The following SMCO2 variants were observed in gnomAD, a reference collection of about 807,000 sequenced individuals.
SMCO2 encodes the protein single-pass membrane and coiled-coil domain-containing protein 2.
Under a neutral mutation model 29.5 loss-of-function variants are expected in SMCO2, and 25 were observed. The ratio of observed to expected loss-of-function variants is 0.85; its 90% CI spans 0.62 to 1.18. The LOEUF (loss-of-function observed/expected upper bound fraction) is 1.18. SMCO2 is among the 50% of genes most tolerant of loss of function. The pLI is 0.00. For missense variants in SMCO2, 348 were observed against 344.5 expected (o/e 1.01, Z -0.08); for synonymous variants, 117 against 123.3 (o/e 0.95, Z 0.34).
chr12:27,481,716 G>T (rs1281004962), intron 4 of SMCO2, among the ~76,000 whole-genome samples: 1 of 152,116 alleles, frequency 6.6e-6, no homozygotes, highest in East Asian at 1.9e-4. Context: ...TATTGCTAAA[G>T]ATATTAAGTT....
chr12:27,460,477 G>A, the SMCO2 span, among the ~76,000 whole-genome samples: 2 of 152,110 alleles, frequency 1.3e-5, no homozygotes, highest in Non-Finnish European at 2.9e-5. Context: ...ATGTCATAAA[G>A]AAAATCATAA....
the SMCO2 span, among the ~76,000 whole-genome samples, chr12:27,433,503 G>GTA: frequency 1.1e-5 from 1 of 94,662 alleles, no homozygotes; most frequent in East Asian, 2.3e-4. Flanking sequence ...ATGCAGATGT[G>GTA]TATACACACA....
At chr12:27,498,977 G>A (rs746943656) in intron 7 of SMCO2, among the ~76,000 whole-genome samples, 8 of 150,612 alleles carry the variant, frequency 5.3e-5, no homozygotes, top group South Asian at 2.1e-4. Context: ...TGGAACCCTC[G>A]TATATCACTG....
chr12:27,471,346 T>A (rs577299845), intron 2 of SMCO2, among the ~76,000 whole-genome samples: 1 of 152,326 alleles, frequency 6.6e-6, no homozygotes, highest in Non-Finnish European at 1.5e-5. Context: ...TTTTTTCATA[T>A]AAGCAATATT....
chr12:27,440,412 G>C, the SMCO2 span, among the ~76,000 whole-genome samples: 2 of 152,180 alleles, frequency 1.3e-5, no homozygotes, highest in East Asian at 1.9e-4. Flanking sequence ...ACTATTCAAG[G>C]TATAACCTCC....
At chr12:27,428,230 G>A in the SMCO2 span, among the ~76,000 whole-genome samples, 2 of 152,132 alleles carry the variant, frequency 1.3e-5, no homozygotes, top group Non-Finnish European at 2.9e-5. Context: ...GGCAAGGAGT[G>A]GTTTTGTTTC....
intron 4 of SMCO2, 122 bp downstream of exon 4, chr12:27,475,035 A>G: frequency 8.1e-7 from 1 of 1,234,072 alleles, no homozygotes; most frequent in South Asian, 1.5e-5. Flanking sequence ...TGAACCATAA[A>G]GCAGTCCTGT....
At chr12:27,445,553 T>A in the SMCO2 span, among the ~76,000 whole-genome samples, 1 of 152,210 alleles carries the variant, frequency 6.6e-6, no homozygotes, top group Non-Finnish European at 1.5e-5. Flanking sequence ...AGCCACAATT[T>A]CAAAACTGAA....
chr12:27,432,298 G>A, the SMCO2 span, among the ~76,000 whole-genome samples: 1 of 151,948 alleles, frequency 6.6e-6, no homozygotes, highest in African/African-American at 2.4e-5. Context: ...TGCTTTTGTT[G>A]CTTGTGCTTT....
chr12:27,475,755 G>T (rs896047977), intron 4 of SMCO2, 24 bp downstream of exon 5: 2 of 1,451,048 alleles, frequency 1.4e-6, no homozygotes, highest in South Asian at 1.5e-5. Context: ...GTTGGGGTTG[G>T]TCATAAAATA....
chr12:27,454,332 G>A, the SMCO2 span, among the ~76,000 whole-genome samples: 287 of 152,242 alleles, frequency 1.9e-3, no homozygotes, highest in African/African-American at 6.6e-3. Flanking sequence ...ATTACATAAT[G>A]AGTATTGTTT....
At chr12:27,453,891 A>G in the SMCO2 span, among the ~76,000 whole-genome samples, 1 of 152,244 alleles carries the variant, frequency 6.6e-6, no homozygotes, top group Non-Finnish European at 1.5e-5. Flanking sequence ...GCAGGTAAGC[A>G]ACAAGAGCAA....
At chr12:27,476,654 G>A (rs1949588994) in intron 4 of SMCO2, among the ~76,000 whole-genome samples, 1 of 151,582 alleles carries the variant, frequency 6.6e-6, no homozygotes, top group African/African-American at 2.4e-5. Context: ...CTTAAAGTCT[G>A]TTCTAAGTAT....
At chr12:27,453,171 T>C in the SMCO2 span, among the ~76,000 whole-genome samples, 3 of 152,202 alleles carry the variant, frequency 2.0e-5, no homozygotes, top group Non-Finnish European at 4.4e-5. Flanking sequence ...TCCCTGGCCA[T>C]GATAGTACCT....
chr12:27,491,528 T>G (rs556954821), intron 5 of SMCO2, among the ~76,000 whole-genome samples: 1 of 152,176 alleles, frequency 6.6e-6, no homozygotes, highest in African/African-American at 2.4e-5. Context: ...ATTCAGGGAT[T>G]GATGATGAAT....
exon 7 of SMCO2, chr12:27,495,734 G>C (rs2135577961): frequency 1.3e-6 from 2 of 1,536,072 alleles, no homozygotes; most frequent in East Asian, 4.9e-5. Flanking sequence ...GTATCAAATG[G>C]AGGCAGAGGA....
At chr12:27,499,428 G>T (rs372267815) in intron 7 of SMCO2, among the ~76,000 whole-genome samples, 15 of 150,606 alleles carry the variant, frequency 1.0e-4, no homozygotes, top group African/African-American at 3.5e-4. Flanking sequence ...GGCACAGAGT[G>T]TTGGGGAATA....
intron 5 of SMCO2, among the ~76,000 whole-genome samples, chr12:27,491,650 C>A (rs1339536930): frequency 1.3e-5 from 2 of 151,748 alleles, no homozygotes; most frequent in Non-Finnish European, 2.9e-5. Context: ...AGCGCAATGG[C>A]CACTTACATA....
the SMCO2 span, among the ~76,000 whole-genome samples, chr12:27,441,962 C>A: frequency 5.3e-5 from 8 of 152,186 alleles, no homozygotes; most frequent in East Asian, 1.5e-3. Context: ...CCTGAACAAC[C>A]AATGGGTCAA....
Sources: allele counts gnomAD v4.1 joint callset (sites outside exome capture counted in the v4.1 genomes callset), GRCh38; gene constraint gnomAD v4.1.1; transcripts MANE v1.5; gene names NCBI Gene and HGNC (gene_info 2026-07-23, HGNC 2026-07-21).